The following CNBD1 variants were observed in gnomAD, a reference collection of about 807,000 sequenced individuals.
The protein encoded by CNBD1 is cyclic nucleotide binding domain containing 1.
A neutral mutation model predicts 54.4 loss-of-function variants in CNBD1; 71 were observed. The observed-to-expected ratio is 1.30, with a 90% CI of 1.08 to 1.59. The LOEUF is 1.59. Among genes scored for constraint, CNBD1 ranks in the 40% most tolerant of loss-of-function variants. The pLI, the probability that CNBD1 is intolerant of heterozygous loss-of-function variation, is 0.00. For synonymous variants in CNBD1, 182 were observed against 170.7 expected, an observed-to-expected ratio of 1.07 and a Z score of -0.51; for missense variants, 659 against 518.0, an observed-to-expected ratio of 1.27 and a Z score of -2.64.
At position 87,132,695 on chromosome 8, in the gene CNBD1, A is replaced by G. The variant is rs1427959539; in HGVS notation, c.432-73298A>G. 1.8e-4 allele frequency among the ~76,000 whole-genome samples: 26 copies of G among 147,582 alleles called. No homozygotes were observed. The Admixed American group carries it at 1.8e-3, about 10-fold the overall frequency. On this transcript the variant is annotated intron_variant, in intron 4 of 10. Coordinates refer to ENST00000518476, the MANE Select transcript of CNBD1 (RefSeq NM_173538.3). ...ATGATATATCTTATATATATCATAT[A>G]TAGTTTCATTTATATATATTTGCAT... is the stretch of plus-strand genomic sequence containing the variant.
chr8:87,245,701 T>C (rs1807787886), intron 6 of CNBD1, among the ~76,000 whole-genome samples: 1 of 152,048 alleles, frequency 6.6e-6, no homozygotes, highest in African/African-American at 2.4e-5. Context: ...CGCCTGATAT[T>C]GTGTACTCGT....
chr8:87,137,810 A>T lies in CNBD1; in HGVS notation c.432-68183A>T, dbSNP rs547382353. ...AGTTATAAGGATGGGATGTAGAAGG[A>T]TCTCTGCTCCAGAGAGAAGCTATGA... On this transcript the variant is annotated intron_variant, in intron 4 of 10. Coordinates refer to ENST00000518476, the MANE Select transcript of CNBD1 (RefSeq NM_173538.3). Among the ~76,000 whole-genome samples the T allele has an allele frequency of 4.6e-5, 7 of 152,282 alleles. No individual in the cohort carries two copies. In the South Asian group the frequency reaches 1.5e-3, roughly 32 times the overall value.
intron 4 of CNBD1, among the ~76,000 whole-genome samples, chr8:86,993,160 G>GT (rs1451397878): frequency 1.3e-5 from 2 of 150,958 alleles, no homozygotes; most frequent in African/African-American, 4.9e-5. Flanking sequence ...TTTTAAAATT[G>GT]TTTTTTCTTT....
chr8:87,257,031 C>G (rs1808037945), intron 6 of CNBD1, among the ~76,000 whole-genome samples: 1 of 152,002 alleles, frequency 6.6e-6, no homozygotes. Flanking sequence ...AACATCAACA[C>G]TCTTGCATGG....
intron 4 of CNBD1, among the ~76,000 whole-genome samples, chr8:87,196,270 G>T (rs1349361115): frequency 7.2e-5 from 11 of 152,182 alleles, no homozygotes; most frequent in Admixed American, 7.2e-4. Context: ...TGTATCAGAA[G>T]ATATGATATT....
intron 4 of CNBD1, among the ~76,000 whole-genome samples, chr8:87,025,176 C>A (rs144760257): frequency 7.0e-6 from 1 of 143,538 alleles, no homozygotes; most frequent in Non-Finnish European, 1.5e-5. Flanking sequence ...ATCAGCACTC[C>A]GTAAAATGGA....
intron 5 of CNBD1, among the ~76,000 whole-genome samples, chr8:87,219,423 G>C (rs1370403999): frequency 6.6e-6 from 1 of 151,840 alleles, no homozygotes; most frequent in Non-Finnish European, 1.5e-5. Flanking sequence ...ATAACAGTGT[G>C]GTCTTGAAAT....
At chr8:86,890,220 T>C (rs1586114341) in intron 2 of CNBD1, among the ~76,000 whole-genome samples, 2 of 152,094 alleles carry the variant, frequency 1.3e-5, no homozygotes, top group South Asian at 2.1e-4. Flanking sequence ...TGAATCTTTA[T>C]ACCCTTTCGT....
intron 4 of CNBD1, among the ~76,000 whole-genome samples, chr8:87,093,559 T>C (rs1029577318): frequency 5.3e-5 from 8 of 152,190 alleles, no homozygotes; most frequent in Non-Finnish European, 8.8e-5. Context: ...TCTACTGATA[T>C]AAAAGTTAAT....
intron 5 of CNBD1, among the ~76,000 whole-genome samples, chr8:87,226,151 C>A (rs925731894): frequency 3.3e-5 from 5 of 151,924 alleles, no homozygotes; most frequent in African/African-American, 9.7e-5. Context: ...ATTAGTCTTG[C>A]TAGTGGTCTA....
chr8:86,962,612 C>T (rs1444989286), intron 4 of CNBD1, among the ~76,000 whole-genome samples: 3 of 151,922 alleles, frequency 2.0e-5, no homozygotes, highest in Non-Finnish European at 4.4e-5. Context: ...GGTGAAACAC[C>T]GTCTCTACTA....
intron 2 of CNBD1, among the ~76,000 whole-genome samples, chr8:87,423,801 A>T (rs1168976017): frequency 6.6e-6 from 1 of 152,106 alleles, no homozygotes; most frequent in Admixed American, 6.5e-5. Flanking sequence ...AAAATGAGTT[A>T]GGGAGGATTC....
chr8:87,387,185 A>G (rs1281480447), downstream of CNBD1, among the ~76,000 whole-genome samples: 1 of 152,170 alleles, frequency 6.6e-6, no homozygotes, highest in African/African-American at 2.4e-5. Context: ...GGTTAGGAAG[A>G]AACTGCATCA....
intron 4 of CNBD1, among the ~76,000 whole-genome samples, chr8:86,954,882 G>C (rs953119880): frequency 6.6e-6 from 1 of 151,974 alleles, no homozygotes; most frequent in Non-Finnish European, 1.5e-5. Flanking sequence ...TGTGCACAAC[G>C]TGCAGGTTTG....
intron 8 of CNBD1, among the ~76,000 whole-genome samples, chr8:87,324,569 A>G (rs1435678061): frequency 1.4e-5 from 2 of 145,398 alleles, no homozygotes; most frequent in East Asian, 3.9e-4. Context: ...CATTTCTTCT[A>G]GATTTTCTAG....
At chr8:87,121,053 A>T (rs141279721) in intron 4 of CNBD1, among the ~76,000 whole-genome samples, 127 of 151,962 alleles carry the variant, frequency 8.4e-4, no homozygotes, top group African/African-American at 2.8e-3. Flanking sequence ...AGGTTTTTAT[A>T]TTAAATTCAG....
intron 4 of CNBD1, among the ~76,000 whole-genome samples, chr8:86,982,069 C>T (rs755923344): frequency 2.2e-4 from 34 of 152,170 alleles, no homozygotes; most frequent in Non-Finnish European, 4.3e-4. Context: ...CTGACCAAAA[C>T]AGAATTGCCA....
intron 4 of CNBD1, among the ~76,000 whole-genome samples, chr8:87,198,628 A>G (rs2130791690): frequency 6.6e-6 from 1 of 152,328 alleles, no homozygotes; most frequent in South Asian, 2.1e-4. Context: ...AAGCATGACA[A>G]CACACAACTT....
In CNBD1 at chr8:87,160,180, A is replaced by T. The variant is rs150698572; in HGVS notation, c.432-45813A>T. On this transcript the variant is annotated intron_variant, in intron 4 of 10. Transcript: ENST00000518476. ...ACTTTTATGGAAATAGTATTGTGAA[A>T]AAACTTATTTCTTAATGCAACTTAT... is the stretch of plus-strand genomic sequence containing the variant. 2.4e-3 allele frequency among the ~76,000 whole-genome samples: 370 copies of T among 152,160 alleles called. 6 individuals carry two copies. Among genetic ancestry groups the T allele is most frequent in the African/African-American group, 8.3e-3 (346 of 41,536 alleles).
Sources: gnomAD v4.1 joint callset for allele counts (sites outside exome capture counted in the v4.1 genomes callset) on GRCh38, gnomAD v4.1.1 for gene constraint, MANE v1.5 for transcripts, NCBI Gene and HGNC (gene_info 2026-07-23, HGNC 2026-07-21) for gene names.